MEI1: variants seen among roughly 807,000 people sequenced by gnomAD.
MEI1 encodes meiotic double-stranded break formation protein 1.
In MEI1, 103 loss-of-function variants were observed where a neutral mutation model predicts 146.2. That is an observed-to-expected ratio of 0.70 (90% CI 0.60 to 0.83). The LOEUF is 0.83. Among genes scored for constraint, MEI1 ranks in the 40% least tolerant of loss-of-function variants. The pLI, the probability that MEI1 is intolerant of heterozygous loss-of-function variation, is 0.00. For missense variants in MEI1, 1,529 were observed against 1,533.0 expected (o/e 1.00, Z 0.04); for synonymous variants, 652 against 628.2 (o/e 1.04, Z -0.57).
In MEI1 at chr22:41,720,445, T is replaced by C. The variant is rs12330074; in HGVS notation, c.733+2171T>C. The stretch of plus-strand genomic sequence containing the variant: ...TTTAAAATTTTTATTTACTTATTTA[T>C]TTTGAGACAGGGTCTTGTTCTGTCA... On this transcript the variant is annotated intron_variant, in intron 6 of 30. Coordinates refer to ENST00000401548, the MANE Select transcript of MEI1 (RefSeq NM_152513.4). Among the ~76,000 whole-genome samples, 657 of 152,210 alleles carry C rather than the reference T, an allele frequency of 4.3e-3. 1 individual carries two copies. Among genetic ancestry groups the C allele is most frequent in the African/African-American group, 0.015 (628 of 41,518 alleles).
At chr22:41,730,689 C>A in intron 9 of MEI1, 52 bp downstream of exon 9, 2 of 1,230,324 alleles carry the variant, frequency 1.6e-6, no homozygotes, top group Non-Finnish European at 1.2e-6. Flanking sequence ...CGGCAGTTTG[C>A]ACTTGGGTAG....
intron 1 of MEI1, 36 bp downstream of exon 1, chr22:41,699,748 T>C: frequency 6.6e-7 from 1 of 1,523,942 alleles, no homozygotes; most frequent in South Asian, 1.2e-5. Context: ...AGACCTGGGT[T>C]TGGCCATTTC....
chr22:41,709,544 A>G, intron 3 of MEI1: 1 of 547,664 alleles, frequency 1.8e-6, no homozygotes, highest in South Asian at 1.5e-5. Flanking sequence ...GCAGCGGCAC[A>G]CGGGCTTTGG....
rs757080850 is a variant in MEI1, at chr22:41,754,026, C to A, written c.1931C>A (p.Thr644Lys). ...CLNLLSAPEK[T>K]GPPSKEELSA... ...AACCTTCTCTCAGCTCCAGAGAAGA[C>A]AGGACCACCTTCCAAAGAAGGTAAG... The change falls in exon 17 of 31, where the codon ACA (threonine) becomes AAA (lysine). Residue 644 changes from threonine (T) to lysine (K), a missense_variant. By Grantham distance (78) the Thr-to-Lys change is moderately conservative (BLOSUM62 -1). Transcript: ENST00000401548. The A allele has an allele frequency of 6.2e-7, 1 of 1,612,410 alleles. No homozygotes were observed. The highest frequency in any genetic ancestry group is 1.1e-5 in the South Asian group (1 of 91,058).
intron 19 of MEI1, among the ~76,000 whole-genome samples, chr22:41,767,059 GGT>G (rs2074903101): frequency 2.6e-5 from 4 of 152,156 alleles, no homozygotes; most frequent in African/African-American, 9.7e-5. Flanking sequence ...TGAGGTCCTT[GGT>G]GAGCAATGGG....
intron 20 of MEI1, among the ~76,000 whole-genome samples, chr22:41,771,642 T>C (rs1213647593): frequency 6.6e-6 from 1 of 152,002 alleles, no homozygotes; most frequent in Non-Finnish European, 1.5e-5. Flanking sequence ...TTTCACCAGG[T>C]TGCCCAGGCT....
rs2071956220 is a variant in MEI1, at chr22:41,732,528, C to T, written c.1256C>T (p.Ala419Val). 2 of 1,613,806 alleles carry T rather than the reference C, an allele frequency of 1.2e-6. No homozygotes were observed. Among genetic ancestry groups the T allele is most frequent in the South Asian group, 1.1e-5 (1 of 91,086 alleles). The part of the protein sequence containing the change: ...SSAMCRDAGR[A>V]LQEAVSSPVL... ...GCCATGTGCAGAGATGCTGGCCGTG[C>T]CCTCCAAGAAGCAGTTAGCAGCCCT... Residue 419 changes from alanine (A) to valine (V), a missense_variant, in exon 11 of 31, where the codon GCC becomes GTC. By Grantham distance (64) the Ala-to-Val change is moderately conservative. This residue lies in a region of MEI1 where 1,212 missense variants were observed against 1,178.9 expected (regional missense o/e 1.03). Transcript: ENST00000401548.
intron 14 of MEI1, among the ~76,000 whole-genome samples, chr22:41,746,461 A>G (rs1248797987): frequency 6.6e-6 from 1 of 152,186 alleles, no homozygotes; most frequent in Non-Finnish European, 1.5e-5. Flanking sequence ...TGTCTTTAAT[A>G]ATGAGCAGCA....
intron 26 of MEI1, among the ~76,000 whole-genome samples, chr22:41,786,822 T>A (rs1305252562): frequency 6.6e-6 from 1 of 152,232 alleles, no homozygotes; most frequent in East Asian, 1.9e-4. Context: ...CAAAAGCATG[T>A]CTACCTCCAA....
At position 41,752,654 on chromosome 22, in the gene MEI1, A is replaced by T; in HGVS notation, c.1853+3A>T. The T allele has an allele frequency of 1.3e-6, 2 of 1,591,802 alleles. No individual in the cohort carries two copies. Among genetic ancestry groups the T allele is most frequent in the Non-Finnish European group, 1.7e-6 (2 of 1,169,112 alleles). ...GCCAGGTTTTGCAGTGGTCTGAGGTATGTGTGGTCCCAGGCAAGATTGAGT... is the reference window on the plus strand; with the variant it reads ...GCCAGGTTTTGCAGTGGTCTGAGGTTTGTGTGGTCCCAGGCAAGATTGAGT... On this transcript the variant is annotated splice_donor_region_variant and intron_variant, in intron 16 of 30. Coordinates refer to ENST00000401548, the MANE Select transcript of MEI1 (RefSeq NM_152513.4).
intron 19 of MEI1, chr22:41,767,635 G>T (rs763286646): frequency 8.8e-6 from 4 of 454,122 alleles, no homozygotes; most frequent in South Asian, 6.2e-5. Flanking sequence ...CTATGCCGAT[G>T]ATTTTTTATT....
intron 17 of MEI1, among the ~76,000 whole-genome samples, chr22:41,755,225 C>T (rs6002463): frequency 0.02 from 3,009 of 152,262 alleles, 105 homozygotes; most frequent in African/African-American, 0.068. Context: ...ATAATTGTTT[C>T]ATCATTCATT....
chr22:41,739,505 G>A (rs1329763599), intron 11 of MEI1, among the ~76,000 whole-genome samples: 1 of 147,494 alleles, frequency 6.8e-6, no homozygotes, highest in East Asian at 1.9e-4. Flanking sequence ...AGTCTCTTCT[G>A]TAACTATATT....
intron 4 of MEI1, among the ~76,000 whole-genome samples, chr22:41,715,077 A>G (rs2069976265): frequency 1.3e-5 from 2 of 152,162 alleles, no homozygotes; most frequent in Admixed American, 1.3e-4. Flanking sequence ...GTCAGATTGA[A>G]TTTATAATTA....
At chr22:41,717,950 T>A in intron 5 of MEI1, 121 bp from the exon 6 acceptor site, 2 of 841,702 alleles carry the variant, frequency 2.4e-6, no homozygotes, top group Non-Finnish European at 1.8e-6. Flanking sequence ...GCAGAAAGCA[T>A]TTTTTGTGGG....
intron 30 of MEI1, among the ~76,000 whole-genome samples, chr22:41,798,405 CA>C (rs1203136780): frequency 4.6e-5 from 7 of 151,948 alleles, no homozygotes; most frequent in African/African-American, 1.5e-4. Flanking sequence ...GGTGAAACCC[CA>C]TCTCTACTAA....
At chr22:41,707,053 A>T (rs1349936427) in intron 3 of MEI1, among the ~76,000 whole-genome samples, 2 of 114,304 alleles carry the variant, frequency 1.7e-5, no homozygotes, top group Non-Finnish European at 3.9e-5. Flanking sequence ...AAAAAAAAAA[A>T]TTAGCCGGGC....
rs183465473 is a variant in MEI1 at position 41,763,251 on chromosome 22, C to G, written c.2198C>G (p.Pro733Arg). Residue 733 changes from proline (P) to arginine (R), a missense_variant, in exon 19 of 31, where the codon CCA (proline) becomes CGA (arginine). Transcript: ENST00000401548. Reference protein sequence around the residue: ...LSLQDQGERPPLVVFKASIYL... With the variant: ...LSLQDQGERPRLVVFKASIYL... ...CTGCAGGACCAGGGCGAGCGCCCCC[C>G]ACTGGTGGTCTTCAAAGCCTCCATC... 44 of 1,613,932 alleles carry G rather than the reference C, an allele frequency of 2.7e-5. No homozygotes were observed. Among genetic ancestry groups the G allele is most frequent in the African/African-American group, 1.9e-4 (14 of 75,054 alleles).
chr22:41,734,060 G>A (rs531370131), intron 11 of MEI1, among the ~76,000 whole-genome samples: 64 of 151,622 alleles, frequency 4.2e-4, no homozygotes, highest in African/African-American at 1.4e-3. Context: ...CCTGGGAGGC[G>A]GAGGTTGCAG....
Sources: gnomAD v4.1 joint callset for allele counts (sites outside exome capture counted in the v4.1 genomes callset) on GRCh38, gnomAD v4.1.1 for gene constraint, gnomAD v4.1.1 regional missense constraint, MANE v1.5 for transcripts, NCBI Gene and HGNC (gene_info 2026-07-23, HGNC 2026-07-21) for gene names.